The following BAIAP3 variants were observed in gnomAD, a reference collection of about 807,000 sequenced individuals.
The protein encoded by BAIAP3 is BAI1 associated protein 3.
Under a neutral mutation model 149.7 loss-of-function variants are expected in BAIAP3, and 180 were observed. That is an observed-to-expected ratio of 1.20 (90% CI 1.07 to 1.36). The LOEUF is 1.36. BAIAP3 is among the 40% of genes most tolerant of loss of function. BAIAP3 has a pLI of 0.00. For missense variants in BAIAP3, 1,767 were observed against 1,563.4 expected (o/e 1.13, Z -2.20); for synonymous variants, 845 against 670.7 (o/e 1.26, Z -4.02).
Position 1,344,335 on chromosome 16 carries a change from G to T in BAIAP3, c.1602+18G>T. 1 of 1,613,608 alleles carries T rather than the reference G, an allele frequency of 6.2e-7. No individual in the cohort carries two copies. Among genetic ancestry groups the T allele is most frequent in the Non-Finnish European group, 8.5e-7 (1 of 1,179,872 alleles). ...CCCTGAAGGTGTGTTCCAAAGCCCA[G>T]TGGAGGCCGGCTGCTAAGCCCTCCC... On this transcript the variant is annotated intron_variant, in intron 17 of 33. Coordinates refer to ENST00000426824, the MANE Select transcript of BAIAP3 (RefSeq NM_001199097.2).
intron 15 of BAIAP3, 117 bp from the exon 16 acceptor site, chr16:1,343,905 A>G (rs2141597283): frequency 1.3e-6 from 2 of 1,501,952 alleles, no homozygotes; most frequent in Non-Finnish European, 1.8e-6. Context: ...TGCTGCTCAG[A>G]GCAGAGCTGG....
At chr16:1,344,925 G>A (rs778306861) in intron 20 of BAIAP3, 44 bp from the exon 21 acceptor site, 2 of 1,613,426 alleles carry the variant, frequency 1.2e-6, no homozygotes, top group African/African-American at 2.7e-5. Flanking sequence ...GGACGGTCCT[G>A]GGATTCCTTG....
In BAIAP3 at chr16:1,339,476, C is replaced by T. The variant is rs747270262; in HGVS notation, c.301-20C>T. 61 of 1,597,290 alleles carry T rather than the reference C, an allele frequency of 3.8e-5. No homozygotes were observed. In the East Asian group the frequency reaches 1.1e-3, roughly 29 times the overall value. ...GGGGCCTGGGACGCGGCACTGTGGC[C>T]GCCCTTCCCCCACCTGCAGGTGGAG... On this transcript the variant is annotated intron_variant, in intron 4 of 33. Coordinates refer to ENST00000426824, the MANE Select transcript of BAIAP3 (RefSeq NM_001199097.2).
Position 1,346,848 on chromosome 16 carries a change from G to A in BAIAP3, c.2644G>A (p.Val882Met). The change falls in exon 28 of 34, where the codon GTG becomes ATG. Residue 882 changes from valine (V) to methionine (M), a missense_variant and splice_region_variant. Transcript: ENST00000426824. ...ASLVKGNLSR[V>M]LEALWELLLQ... ...GTGGTCACTGATGCTGCCCTGCAGG[G>A]TGCTGGAGGCCCTGTGGGAGCTACT... 2 of 1,594,804 alleles carry A rather than the reference G, an allele frequency of 1.3e-6. No homozygotes were observed. Among genetic ancestry groups the A allele is most frequent in the Non-Finnish European group, 8.5e-7 (1 of 1,173,296 alleles).
Position 1,344,831 on chromosome 16 carries a change from C to G in BAIAP3, c.1791C>G (p.Phe597Leu). 2 of 1,613,826 alleles carry G rather than the reference C, an allele frequency of 1.2e-6. No homozygotes were observed. The highest frequency in any genetic ancestry group is 1.7e-6 in the Non-Finnish European group (2 of 1,180,034). The change falls in exon 20 of 34, where the codon TTC becomes TTG. Residue 597 changes from phenylalanine to leucine, a missense_variant. Physicochemically the swap from Phe to Leu is conservative, Grantham distance 22 (BLOSUM62 0). Transcript: ENST00000426824. ...ATGTGGACGTCTTCACCCTGACCTTCCGGCAGCTGGAGCGTCTGGTGAGGA... is the reference window on the plus strand; with the variant it reads ...ATGTGGACGTCTTCACCCTGACCTTGCGGCAGCTGGAGCGTCTGGTGAGGA... ...ILNVDVFTLT[F>L]RQLERLVAEE...
chr16:1,334,509 C>A, intron 1 of BAIAP3: 1 of 654,912 alleles, frequency 1.5e-6, no homozygotes. Flanking sequence ...TGCGCAGACA[C>A]GGGCGAGGGG....
Position 1,348,313 on chromosome 16 carries a change from T to C in BAIAP3, c.3355+12T>C, listed in dbSNP as rs759942842. On this transcript the variant is annotated intron_variant, in intron 33 of 33. Coordinates refer to ENST00000426824, the MANE Select transcript of BAIAP3 (RefSeq NM_001199097.2). ...GCCCAGAGCCCAGGGTGAGTGAGCA[T>C]CTGGGTGGAGGCAGGGGCAGCGGGC... is the stretch of plus-strand genomic sequence containing the variant. 1.2e-6 allele frequency: 2 copies of C among 1,602,782 alleles called. No homozygotes were observed. The highest frequency in any genetic ancestry group is 4.5e-5 in the East Asian group (2 of 44,446).
At chr16:1,347,864 G>A (rs2034487644) in intron 31 of BAIAP3, 30 bp from the exon 32 acceptor site, 2 of 1,609,018 alleles carry the variant, frequency 1.2e-6, no homozygotes, top group Middle Eastern at 1.6e-4. Context: ...TGGGATGGGG[G>A]CAGGGGGGCT....
intron 28 of BAIAP3, 24 bp downstream of exon 28, chr16:1,346,979 C>T (rs537511028): frequency 1.1e-4 from 167 of 1,553,904 alleles, no homozygotes; most frequent in Non-Finnish European, 1.2e-4. Flanking sequence ...AAGGAGTCCT[C>T]CCCGCCGGCC....
At chr16:1,343,063 A>G in intron 14 of BAIAP3, 47 bp downstream of exon 14, 1 of 1,478,114 alleles carries the variant, frequency 6.8e-7, no homozygotes, top group Non-Finnish European at 9.1e-7. Flanking sequence ...GGCGGGCGTG[A>G]GCGAGTGGGG....
Position 1,338,982 on chromosome 16 carries a change from G to T in BAIAP3, c.212G>T (p.Cys71Phe). The T allele has an allele frequency of 6.2e-7, 1 of 1,612,816 alleles. No individual in the cohort carries two copies. The highest frequency in any genetic ancestry group is 8.5e-7 in the Non-Finnish European group (1 of 1,179,856). Reference protein sequence around the residue: ...KKGEGRQGLPCLEVPLRSGSP... With the variant: ...KKGEGRQGLPFLEVPLRSGSP... The stretch of plus-strand genomic sequence containing the variant: ...GGGGAAGGCAGACAGGGCTTGCCGT[G>T]CCTCGAGGTAAGGGTGCCACCCCCA... The change falls in exon 3 of 34, where the codon TGC becomes TTC. Residue 71 changes from cysteine to phenylalanine, a missense_variant. Physicochemically the swap from Cys to Phe is radical, Grantham distance 205. Transcript: ENST00000426824.
rs775505091 is a variant in BAIAP3, at chr16:1,347,689, G to A, written c.2905-12G>A. The A allele has an allele frequency of 1.2e-5, 19 of 1,611,180 alleles. No homozygotes were observed. The highest frequency in any genetic ancestry group is 6.7e-5 in the East Asian group (3 of 44,826). ...TCCCAGAGCCCAGCTGCGCTCACCC[G>A]CCTTTCCGCAGAGGACCCTGGAGCA... is the stretch of plus-strand genomic sequence containing the variant. On this transcript the variant is annotated splice_polypyrimidine_tract_variant and intron_variant, in intron 30 of 33. Transcript: ENST00000426824.
intron 24 of BAIAP3, 25 bp downstream of exon 24, chr16:1,346,103 G>T (rs1282480587): frequency 4.4e-6 from 7 of 1,605,728 alleles, no homozygotes; most frequent in Non-Finnish European, 5.9e-6. Flanking sequence ...GGGGAGGGGA[G>T]CCGGCAGGAG....
chr16:1,345,459 A>G, intron 22 of BAIAP3, 87 bp downstream of exon 22: 1 of 1,008,068 alleles, frequency 9.9e-7, no homozygotes, highest in East Asian at 5.5e-5. Flanking sequence ...CCTCCCCAGC[A>G]ACCCCCAGCC....
At chr16:1,337,529 G>A (rs1180783479) in intron 1 of BAIAP3, among the ~76,000 whole-genome samples, 2 of 152,190 alleles carry the variant, frequency 1.3e-5, no homozygotes, top group East Asian at 1.9e-4. Context: ...CTGAGATCAT[G>A]CCACTGCTCT....
chr16:1,341,100 CCAGGCCCCCCACGCCCCTCTGTCCA>C lies in BAIAP3; in HGVS notation c.469-19_474del. The C allele has an allele frequency of 6.2e-7, 1 of 1,610,600 alleles. No individual in the cohort carries two copies. The highest frequency in any genetic ancestry group is 8.5e-7 in the Non-Finnish European group (1 of 1,178,454). ...GCATCTGGGGGGCAGCTCAGCCTCACCAGGCCCCCCACGCCCCTCTGTCCACAGGCCCCCACGTATGCCCTGAAAG... is the reference window on the plus strand; with the variant it reads ...GCATCTGGGGGGCAGCTCAGCCTCACCAGGCCCCCACGTATGCCCTGAAAG... On this transcript the variant is annotated splice_region_variant and splice_polypyrimidine_tract_variant and intron_variant, in intron 6 of 33. Coordinates refer to ENST00000426824, the MANE Select transcript of BAIAP3 (RefSeq NM_001199097.2).
Position 1,346,308 on chromosome 16 carries a change from G to A in BAIAP3, c.2440G>A (p.Asp814Asn). ...RPLLSCTQAL[D>N]DDLQREAHTV... is the part of the protein sequence containing the mutation. Reference sequence around the variant, plus strand: ...TCTGCTCAGCTGCACACAGGCCCTGGACGATGATCTGCAACGGGAGGCCCA... The same window carrying A: ...TCTGCTCAGCTGCACACAGGCCCTGAACGATGATCTGCAACGGGAGGCCCA... The change falls in exon 25 of 34, where the codon GAC (aspartate) becomes AAC (asparagine). Residue 814 changes from aspartate (D) to asparagine (N), a missense_variant. Transcript: ENST00000426824. 1 of 1,604,832 alleles carries A rather than the reference G, an allele frequency of 6.2e-7. No individual in the cohort carries two copies. The highest frequency in any genetic ancestry group is 1.3e-5 in the African/African-American group (1 of 74,894).
chr16:1,345,410 C>T (rs1342339847), intron 22 of BAIAP3, 38 bp downstream of exon 22: 2 of 1,570,100 alleles, frequency 1.3e-6, no homozygotes, highest in Admixed American at 1.8e-5. Context: ...TGGGGCTGGT[C>T]CAGGCCCCCA....
intron 2 of BAIAP3, 35 bp from the exon 3 acceptor site, chr16:1,338,867 C>T: frequency 6.2e-7 from 1 of 1,611,294 alleles, no homozygotes; most frequent in Non-Finnish European, 8.5e-7. Context: ...GGCCAGCGTG[C>T]TGAGAGCTGT....
Sources: allele counts gnomAD v4.1 joint callset (sites outside exome capture counted in the v4.1 genomes callset), GRCh38; gene constraint gnomAD v4.1.1; transcripts MANE v1.5; gene names NCBI Gene and HGNC (gene_info 2026-07-23, HGNC 2026-07-21).